CSMD1: variants seen among roughly 807,000 people sequenced by gnomAD.
The protein encoded by CSMD1 is CUB and Sushi multiple domains 1, also known as CUB and sushi domain-containing protein 1.
CSMD1 carries 213 observed loss-of-function variants against 417.5 expected under a neutral mutation model. The observed-to-expected ratio is 0.51, with a 90% CI of 0.46 to 0.57. The LOEUF (loss-of-function observed/expected upper bound fraction) is 0.57, where lower values mean the gene tolerates loss of function less well. Among genes scored for constraint, CSMD1 ranks in the 20% least tolerant of loss-of-function variants. The pLI is 0.00. For synonymous variants in CSMD1, 2,862 were observed against 1,736.8 expected (o/e 1.65, Z -16.11); for missense variants, 6,923 against 4,529.7 (o/e 1.53, Z -15.17).
At chr8:3,583,338 G>T (rs972448823) in intron 9 of CSMD1, among the ~76,000 whole-genome samples, 1 of 151,844 alleles carries the variant, frequency 6.6e-6, no homozygotes, top group Non-Finnish European at 1.5e-5. Flanking sequence ...AGAGCTGCAT[G>T]GTTTTGGGGA....
intron 3 of CSMD1, among the ~76,000 whole-genome samples, chr8:4,336,654 C>T (rs904044013): frequency 2.0e-5 from 3 of 152,132 alleles, no homozygotes; most frequent in Non-Finnish European, 4.4e-5. Flanking sequence ...CTTCACTTCA[C>T]AGCTTTCACA....
At chr8:4,951,308 C>A (rs1808730360) in intron 1 of CSMD1, among the ~76,000 whole-genome samples, 1 of 152,072 alleles carries the variant, frequency 6.6e-6, no homozygotes, top group Admixed American at 6.6e-5. Context: ...AGTCTTTGAA[C>A]TGCGGACTTC....
chr8:3,384,616 A>G (rs997289437), intron 18 of CSMD1, among the ~76,000 whole-genome samples: 2 of 145,000 alleles, frequency 1.4e-5, no homozygotes, highest in African/African-American at 5.1e-5. Context: ...ATTTTTAAAT[A>G]TTTGCAAATT....
intron 5 of CSMD1, among the ~76,000 whole-genome samples, chr8:3,802,284 A>C (rs534230784): frequency 6.5e-4 from 99 of 152,168 alleles, no homozygotes; most frequent in African/African-American, 2.4e-3. Context: ...GATTTCTGCT[A>C]TTTTTCCACT....
chr8:3,010,521 C>T (rs75715896), intron 52 of CSMD1, among the ~76,000 whole-genome samples: 2,373 of 152,192 alleles, frequency 0.016, 23 homozygotes, highest in East Asian at 0.038. Context: ...CAGGCAAGTC[C>T]GACTTCCTTG....
chr8:4,839,307 G>C (rs1476549152), intron 1 of CSMD1, among the ~76,000 whole-genome samples: 1 of 152,236 alleles, frequency 6.6e-6, no homozygotes, highest in East Asian at 1.9e-4. Context: ...GCAGACAGAA[G>C]GGACAAGAAA....
intron 12 of CSMD1, among the ~76,000 whole-genome samples, chr8:3,439,120 C>T (rs1361909396): frequency 8.9e-5 from 1 of 11,270 alleles, no homozygotes; most frequent in Non-Finnish European, 1.3e-4. Context: ...AAGACTCCAT[C>T]TCAAAAAAAA....
intron 11 of CSMD1, among the ~76,000 whole-genome samples, chr8:3,493,177 C>T (rs777948054): frequency 1.3e-5 from 2 of 151,452 alleles, no homozygotes; most frequent in Non-Finnish European, 2.9e-5. Context: ...ACCTGTAATC[C>T]CAGCTACTCA....
chr8:4,447,584 G>A (rs754478139), intron 2 of CSMD1, among the ~76,000 whole-genome samples: 1 of 152,182 alleles, frequency 6.6e-6, no homozygotes, highest in Non-Finnish European at 1.5e-5. Context: ...TCTGTCAACA[G>A]AAAACGCTTT....
At chr8:3,260,237 A>G (rs921708530) in intron 26 of CSMD1, among the ~76,000 whole-genome samples, 6 of 152,154 alleles carry the variant, frequency 3.9e-5, no homozygotes, top group African/African-American at 1.4e-4. Flanking sequence ...TAACTAGGTT[A>G]TCATTTTCTC....
intron 41 of CSMD1, among the ~76,000 whole-genome samples, chr8:3,119,535 A>G (rs1471654467): frequency 6.6e-6 from 1 of 152,202 alleles, no homozygotes; most frequent in East Asian, 1.9e-4. Context: ...AAGAGATAAT[A>G]AATGTTTGCA....
At chr8:3,938,599 C>T (rs2627530) in intron 5 of CSMD1, among the ~76,000 whole-genome samples, 1 of 152,050 alleles carries the variant, frequency 6.6e-6, no homozygotes, top group Non-Finnish European at 1.5e-5. Flanking sequence ...GGAAATCATG[C>T]TGTAGACCCC....
chr8:3,332,689 G>T (rs965322617), intron 23 of CSMD1, among the ~76,000 whole-genome samples: 2 of 152,030 alleles, frequency 1.3e-5, no homozygotes, highest in South Asian at 2.1e-4. Context: ...GTGTGCGTGC[G>T]CACACACACA....
chr8:3,880,634 C>T (rs1325820786), intron 5 of CSMD1, among the ~76,000 whole-genome samples: 2 of 152,162 alleles, frequency 1.3e-5, no homozygotes, highest in South Asian at 4.1e-4. Flanking sequence ...CTAGGACATA[C>T]ATGTTTCTTA....
chr8:3,992,800 G>A (rs573265706), intron 5 of CSMD1, among the ~76,000 whole-genome samples: 2 of 152,296 alleles, frequency 1.3e-5, no homozygotes, highest in African/African-American at 4.8e-5. Flanking sequence ...AAATTATAAA[G>A]GAAAGCACAA....
At chr8:4,678,873 C>G (rs1483239442) in intron 1 of CSMD1, among the ~76,000 whole-genome samples, 1 of 152,172 alleles carries the variant, frequency 6.6e-6, no homozygotes, top group African/African-American at 2.4e-5. Context: ...GAAATTCTGT[C>G]ATTGTAAAAA....
rs1344532333 is a variant in CSMD1 at position 3,478,746 on chromosome 8, A to C, written c.1449-9922T>G. 2.0e-5 allele frequency among the ~76,000 whole-genome samples: 3 copies of C among 152,168 alleles called. No homozygotes were observed. The East Asian group carries it at 5.8e-4, about 29-fold the overall frequency. ...ATAAAATGGATGTAAGAGCCACACC[A>C]ACAACAAACATCCAAGGAAGTCTTC... On this transcript the variant is annotated intron_variant, in intron 11 of 69. Transcript: ENST00000635120.
intron 54 of CSMD1, among the ~76,000 whole-genome samples, chr8:2,987,023 C>T (rs1159849968): frequency 6.6e-6 from 1 of 151,960 alleles, no homozygotes; most frequent in Non-Finnish European, 1.5e-5. Context: ...CAAGTACATT[C>T]CCTCTTAACT....
chr8:3,210,794 C>A (rs893922033), intron 30 of CSMD1, among the ~76,000 whole-genome samples: 5 of 151,408 alleles, frequency 3.3e-5, no homozygotes, highest in Non-Finnish European at 5.9e-5. Flanking sequence ...TTTTCTATGG[C>A]TAAAGTTTTA....
Sources: gnomAD v4.1 joint callset for allele counts (sites outside exome capture counted in the v4.1 genomes callset) on GRCh38, gnomAD v4.1.1 for gene constraint, MANE v1.5 for transcripts, NCBI Gene and HGNC (gene_info 2026-07-23, HGNC 2026-07-21) for gene names.